PPM1E: variants seen among roughly 807,000 people sequenced by gnomAD.
The protein encoded by PPM1E is protein phosphatase, Mg2+/Mn2+ dependent 1E, also known as protein phosphatase 1E.
A neutral mutation model predicts 65.9 loss-of-function variants in PPM1E; 20 were observed. That is an observed-to-expected ratio of 0.30 (90% CI 0.21 to 0.44). The LOEUF is 0.44. PPM1E is among the 20% of genes least tolerant of loss of function. The pLI is 1.00. For synonymous variants in PPM1E, 352 were observed against 374.9 expected (o/e 0.94, Z 0.70); for missense variants, 713 against 953.1 (o/e 0.75, Z 3.32).
chr17:58,761,282 CAT>C (rs2049818395), intron 1 of PPM1E, among the ~76,000 whole-genome samples: 2 of 152,138 alleles, frequency 1.3e-5, no homozygotes, highest in Non-Finnish European at 2.9e-5. Context: ...TAAGAATACT[CAT>C]ATTACTCCAG....
At chr17:58,897,749 A>G (rs1429086003) in intron 1 of PPM1E, 1 of 152,214 alleles carries the variant, frequency 6.6e-6, no homozygotes, top group African/African-American at 2.4e-5. Flanking sequence ...TATGTGCAAG[A>G]TTAGGCTTCA....
chr17:58,823,076 G>A (rs972757178), intron 1 of PPM1E, among the ~76,000 whole-genome samples: 1 of 152,062 alleles, frequency 6.6e-6, no homozygotes, highest in African/African-American at 2.4e-5. Context: ...TTTTCAAAAT[G>A]AAAATAATAC....
intron 3 of PPM1E, chr17:58,966,252 C>G (rs759162778): frequency 2.5e-5 from 9 of 364,922 alleles, no homozygotes; most frequent in Non-Finnish European, 3.6e-5. Context: ...TGGTAGCTCA[C>G]GCCTGTAATC....
intron 1 of PPM1E, among the ~76,000 whole-genome samples, chr17:58,857,485 T>G (rs1000774702): frequency 6.6e-6 from 1 of 152,132 alleles, no homozygotes; most frequent in African/African-American, 2.4e-5. Flanking sequence ...CTCTCTGTGC[T>G]TCAGTTTCTC....
chr17:58,875,311 A>G (rs1021767292), intron 1 of PPM1E, among the ~76,000 whole-genome samples: 2 of 152,208 alleles, frequency 1.3e-5, no homozygotes, highest in African/African-American at 4.8e-5. Flanking sequence ...GAAAAGAACC[A>G]ATGAAAGAAA....
chr17:58,950,871 T>C (rs1245870206), intron 1 of PPM1E, among the ~76,000 whole-genome samples: 6 of 150,108 alleles, frequency 4.0e-5, no homozygotes, highest in Non-Finnish European at 7.4e-5. Context: ...CTCCGCCTCC[T>C]GGGTTCACGC....
At chr17:58,934,493 G>A (rs543380352) in intron 1 of PPM1E, among the ~76,000 whole-genome samples, 138 of 152,214 alleles carry the variant, frequency 9.1e-4, no homozygotes, top group Middle Eastern at 6.8e-3. Flanking sequence ...ATATAAATCA[G>A]AAAAATAGTA....
At chr17:58,979,748 C>T (rs1322358999) in intron 6 of PPM1E, among the ~76,000 whole-genome samples, 1 of 152,164 alleles carries the variant, frequency 6.6e-6, no homozygotes, top group African/African-American at 2.4e-5. Context: ...TAGGTAAGGA[C>T]TTATGCCCAG....
chr17:58,784,237 G>C (rs1247035321), intron 1 of PPM1E, among the ~76,000 whole-genome samples: 2 of 151,968 alleles, frequency 1.3e-5, no homozygotes, highest in African/African-American at 4.8e-5. Flanking sequence ...TGGCCAGGCT[G>C]GTCTCGAACT....
At chr17:58,825,224 TCA>T (rs71367635) in intron 1 of PPM1E, among the ~76,000 whole-genome samples, 49,145 of 139,866 alleles carry the variant, frequency 0.35, 8,839 homozygotes, top group African/African-American at 0.51. Context: ...ACACACACAC[TCA>T]CACACACACA....
chr17:58,934,403 G>T (rs2051948291), intron 1 of PPM1E, among the ~76,000 whole-genome samples: 1 of 151,938 alleles, frequency 6.6e-6, no homozygotes, highest in Admixed American at 6.6e-5. Context: ...TATGTTACAT[G>T]GTACACTGTT....
intron 1 of PPM1E, among the ~76,000 whole-genome samples, chr17:58,800,717 TA>T (rs1264858451): frequency 6.6e-6 from 1 of 152,200 alleles, no homozygotes; most frequent in Non-Finnish European, 1.5e-5. Flanking sequence ...AAATTGTTTA[TA>T]ATAGTCTTTT....
At chr17:58,840,687 G>C (rs1212470497) in intron 1 of PPM1E, among the ~76,000 whole-genome samples, 1 of 152,042 alleles carries the variant, frequency 6.6e-6, no homozygotes, top group Non-Finnish European at 1.5e-5. Flanking sequence ...AAATGAAAGA[G>C]CACCCAATGG....
At chr17:58,772,210 G>C (rs2049945847) in intron 1 of PPM1E, among the ~76,000 whole-genome samples, 2 of 152,228 alleles carry the variant, frequency 1.3e-5, no homozygotes, top group African/African-American at 4.8e-5. Context: ...TGTAATCTCA[G>C]CACTTTGGGA....
At chr17:58,941,920 G>A (rs1475201017) in intron 1 of PPM1E, among the ~76,000 whole-genome samples, 1 of 150,618 alleles carries the variant, frequency 6.6e-6, no homozygotes, top group Non-Finnish European at 1.5e-5. Flanking sequence ...CAGGAGAATC[G>A]CTTGAACCTG....
intron 1 of PPM1E, among the ~76,000 whole-genome samples, chr17:58,800,791 T>C (rs1237770999): frequency 1.3e-5 from 2 of 152,186 alleles, no homozygotes; most frequent in African/African-American, 4.8e-5. Flanking sequence ...ACCTGGGTGA[T>C]GGTCTCTGTT....
Position 58,984,324 on chromosome 17 carries a change from T to C in PPM1E, c.*3293T>C, listed in dbSNP as rs2031592673. On this transcript the variant is annotated 3_prime_UTR_variant, in exon 7 of 7. Coordinates refer to ENST00000308249, the MANE Select transcript of PPM1E (RefSeq NM_014906.5). ...CACTGTGCCAGTGAGAAGTGCAACATCCAGTGGGCAGATGAAAATGATGCA... is the reference window on the plus strand; with the variant it reads ...CACTGTGCCAGTGAGAAGTGCAACACCCAGTGGGCAGATGAAAATGATGCA... 6.6e-6 allele frequency: 1 copy of C among 152,638 alleles called. No individual in the cohort carries two copies. The highest frequency in any genetic ancestry group is 1.5e-5 in the Non-Finnish European group (1 of 68,044). The allele number at this position is 152,638 out of a possible 1,614,324, so 9.5% of individuals were successfully genotyped here. A position where few individuals can be genotyped will look rare whatever the true frequency, so the allele number is the denominator to read the frequency against.
intron 1 of PPM1E, among the ~76,000 whole-genome samples, chr17:58,812,825 C>T (rs996572729): frequency 2.0e-5 from 3 of 152,310 alleles, no homozygotes; most frequent in Middle Eastern, 3.4e-3. Flanking sequence ...CCTCAGCCTC[C>T]CAAAGTGCTG....
At chr17:58,960,275 G>A (rs559381337) in intron 2 of PPM1E, among the ~76,000 whole-genome samples, 2 of 152,134 alleles carry the variant, frequency 1.3e-5, no homozygotes, top group African/African-American at 4.8e-5. Flanking sequence ...AACAAGAGTA[G>A]ATTTTCTCAG....
Sources: allele counts gnomAD v4.1 joint callset (sites outside exome capture counted in the v4.1 genomes callset), GRCh38; gene constraint gnomAD v4.1.1; transcripts MANE v1.5; gene names NCBI Gene and HGNC (gene_info 2026-07-23, HGNC 2026-07-21).